Variants in SLC39A9 observed in about 807,000 individuals in gnomAD.
SLC39A9 encodes the protein zinc transporter ZIP9.
Under a neutral mutation model 28.4 loss-of-function variants are expected in SLC39A9, and 14 were observed. The observed-to-expected ratio is 0.49, with a 90% CI of 0.33 to 0.77. The LOEUF (loss-of-function observed/expected upper bound fraction) is 0.77, where lower values mean the gene tolerates loss of function less well. Ranked by LOEUF, SLC39A9 falls within the 30% of genes least tolerant of loss-of-function variation. The pLI, the probability that SLC39A9 is intolerant of heterozygous loss-of-function variation, is 0.02. For synonymous variants in SLC39A9, 119 were observed against 149.6 expected (o/e 0.80, Z 1.49); for missense variants, 283 against 381.1 (o/e 0.74, Z 2.14).
Position 69,458,497 on chromosome 14 carries a change from T to C in SLC39A9, c.828T>C (p.Asp276=). 2.5e-6 allele frequency: 4 copies of C among 1,614,258 alleles called. No individual in the cohort carries two copies. The highest frequency in any genetic ancestry group is 2.5e-6 in the Non-Finnish European group (3 of 1,180,046). The change falls in exon 7 of 7, where the codon GAT becomes GAC. Residue 276 remains aspartate (D), a synonymous_variant. Transcript: ENST00000336643. ...VGGIGHSHKP[D]ATGGRGLSRL... ...GAATAGGGCACAGCCACAAGCCCGATGCCACGGGAGGGAGAGGCCTCAGCC... is the reference window on the plus strand; with the variant it reads ...GAATAGGGCACAGCCACAAGCCCGACGCCACGGGAGGGAGAGGCCTCAGCC...
chr14:69,448,108 G>T (rs1594945153), intron 3 of SLC39A9, among the ~76,000 whole-genome samples: 1 of 151,000 alleles, frequency 6.6e-6, no homozygotes, highest in South Asian at 2.1e-4. Flanking sequence ...CCAGCTACTC[G>T]GGAGGCTGAG....
chr14:69,415,081 A>G (rs1883496850), intron 1 of SLC39A9, among the ~76,000 whole-genome samples: 1 of 152,194 alleles, frequency 6.6e-6, no homozygotes, highest in Non-Finnish European at 1.5e-5. Flanking sequence ...TCTGATCCAG[A>G]TTGTGGCTAT....
chr14:69,435,680 CTT>C (rs1172702375), intron 2 of SLC39A9, among the ~76,000 whole-genome samples: 3 of 148,704 alleles, frequency 2.0e-5, no homozygotes, highest in Non-Finnish European at 4.5e-5. Flanking sequence ...CTACTATTTT[CTT>C]TTTTTTTTGA....
In SLC39A9 at chr14:69,461,797, A is replaced by C; in HGVS notation, c.*3204A>C. 6.6e-7 allele frequency: 1 copy of C among 1,505,404 alleles called. No individual in the cohort carries two copies. The highest frequency in any genetic ancestry group is 2.0e-5 in the Admixed American group (1 of 49,234). 93.3% of individuals were successfully genotyped at this position (1,505,404 alleles called of 1,614,324 possible). On this transcript the variant is annotated 3_prime_UTR_variant, in exon 7 of 7. Transcript: ENST00000336643. ...CAGGAACCGTATGACAGCAGCACAA[A>C]CCCCCAAAGGATGTTCCTGCCTTGT...
chr14:69,432,306 C>T (rs567200778), intron 2 of SLC39A9, among the ~76,000 whole-genome samples: 3 of 152,002 alleles, frequency 2.0e-5, no homozygotes, highest in South Asian at 2.1e-4. Context: ...ATTTCTCTGC[C>T]GATTAGTGAT....
intron 2 of SLC39A9, among the ~76,000 whole-genome samples, chr14:69,438,948 CAA>C (rs1275519147): frequency 6.6e-6 from 1 of 151,876 alleles, no homozygotes; most frequent in Non-Finnish European, 1.5e-5. Flanking sequence ...GTCAGGCAGA[CAA>C]AAAAGATAGA....
Position 69,443,108 on chromosome 14 carries a change from C to T in SLC39A9, c.403+842C>T, listed in dbSNP as rs143782198. On this transcript the variant is annotated intron_variant, in intron 3 of 6. Coordinates refer to ENST00000336643, the MANE Select transcript of SLC39A9 (RefSeq NM_018375.5). ...TTTGGCTAGGTCAACATTTTTCATA[C>T]GATTTATATTAATAAAAAAGGATTC... 7.5e-3 allele frequency among the ~76,000 whole-genome samples: 1,143 copies of T among 152,198 alleles called. 18 individuals are homozygous for T. Among genetic ancestry groups the T allele is most frequent in the Admixed American group, 0.03 (456 of 15,284 alleles).
intron 1 of SLC39A9, among the ~76,000 whole-genome samples, chr14:69,416,066 C>T (rs1483727890): frequency 2.0e-5 from 3 of 152,042 alleles, no homozygotes; most frequent in Non-Finnish European, 4.4e-5. Flanking sequence ...GCCATCCCTC[C>T]CCCAGCCCCC....
chr14:69,422,762 T>G (rs1028245612), intron 1 of SLC39A9, among the ~76,000 whole-genome samples: 2 of 152,188 alleles, frequency 1.3e-5, no homozygotes, highest in Non-Finnish European at 2.9e-5. Context: ...TTTTTGTATT[T>G]TTGTAGAGAC....
At chr14:69,451,686 T>A (rs1885617703) in intron 3 of SLC39A9, among the ~76,000 whole-genome samples, 1 of 151,912 alleles carries the variant, frequency 6.6e-6, no homozygotes. Context: ...AAGGGGAGAG[T>A]TGCTTTGAGC....
intron 2 of SLC39A9, among the ~76,000 whole-genome samples, chr14:69,432,958 A>G (rs1884569413): frequency 6.6e-6 from 1 of 152,170 alleles, no homozygotes; most frequent in Non-Finnish European, 1.5e-5. Context: ...GTTTGAAATC[A>G]GGTAATGTGT....
chr14:69,453,432 T>C, intron 4 of SLC39A9, 123 bp downstream of exon 4: 1 of 804,302 alleles, frequency 1.2e-6, no homozygotes, highest in South Asian at 1.7e-5. Flanking sequence ...AAAGGTTTCT[T>C]AATGAAGTCC....
intron 3 of SLC39A9, among the ~76,000 whole-genome samples, chr14:69,445,935 T>C (rs965548860): frequency 6.6e-6 from 1 of 152,206 alleles, no homozygotes; most frequent in Non-Finnish European, 1.5e-5. Context: ...CAAAAACTAA[T>C]TCAAGTAAAT....
chr14:69,446,929 G>GATAT (rs148838682), intron 3 of SLC39A9, among the ~76,000 whole-genome samples: 9 of 142,248 alleles, frequency 6.3e-5, no homozygotes, highest in Non-Finnish European at 1.2e-4. Flanking sequence ...GCCCATCTGT[G>GATAT]ATATATATAT....
intron 1 of SLC39A9, among the ~76,000 whole-genome samples, chr14:69,400,784 T>C (rs1882587548): frequency 6.6e-6 from 1 of 152,138 alleles, no homozygotes; most frequent in African/African-American, 2.4e-5. Context: ...GTTCTTTTTC[T>C]GTTTCCTTTT....
intron 1 of SLC39A9, among the ~76,000 whole-genome samples, chr14:69,418,002 A>G (rs968116007): frequency 6.6e-6 from 1 of 152,110 alleles, no homozygotes; most frequent in South Asian, 2.1e-4. Flanking sequence ...TTCCAACACT[A>G]TGTTGAATGG....
At chr14:69,411,572 G>T (rs998826403) in intron 1 of SLC39A9, among the ~76,000 whole-genome samples, 1 of 152,008 alleles carries the variant, frequency 6.6e-6, no homozygotes, top group African/African-American at 2.4e-5. Flanking sequence ...AATGACACTT[G>T]GAATTTGTAG....
At chr14:69,450,444 T>C (rs1885551100) in intron 3 of SLC39A9, among the ~76,000 whole-genome samples, 1 of 152,150 alleles carries the variant, frequency 6.6e-6, no homozygotes, top group South Asian at 2.1e-4. Flanking sequence ...ATTTAACGAA[T>C]GATTTTTTAA....
At chr14:69,418,308 A>T (rs1468851502) in intron 1 of SLC39A9, among the ~76,000 whole-genome samples, 1 of 151,940 alleles carries the variant, frequency 6.6e-6, no homozygotes, top group African/African-American at 2.4e-5. Context: ...CATCCCAGGG[A>T]TGAAGTCAAC....
Sources: allele counts gnomAD v4.1 joint callset (sites outside exome capture counted in the v4.1 genomes callset), GRCh38; gene constraint gnomAD v4.1.1; transcripts MANE v1.5; gene names NCBI Gene and HGNC (gene_info 2026-07-23, HGNC 2026-07-21).